Variants in LRP1B observed in about 807,000 individuals in gnomAD.
LRP1B encodes the protein low-density lipoprotein receptor-related protein 1B.
LRP1B carries 217 observed loss-of-function variants against 556.6 expected under a neutral mutation model. The observed-to-expected ratio is 0.39, with a 90% CI of 0.35 to 0.44. The LOEUF (loss-of-function observed/expected upper bound fraction) is 0.44. Ranked by LOEUF, LRP1B falls within the 20% of genes least tolerant of loss-of-function variation. The pLI, the probability that LRP1B is intolerant of heterozygous loss-of-function variation, is 1.00. For missense variants in LRP1B, 5,053 were observed against 5,620.8 expected (o/e 0.90, Z 3.23); for synonymous variants, 2,047 against 1,865.8 (o/e 1.10, Z -2.50).
At chr2:140,967,016 G>C (rs528483886) in intron 18 of LRP1B, among the ~76,000 whole-genome samples, 11 of 152,180 alleles carry the variant, frequency 7.2e-5, no homozygotes, top group African/African-American at 2.6e-4. Flanking sequence ...GGATTGTCTT[G>C]GCAATGAGGG....
chr2:140,907,172 A>G (rs1194764441), intron 22 of LRP1B, among the ~76,000 whole-genome samples: 1 of 152,022 alleles, frequency 6.6e-6, no homozygotes, highest in Non-Finnish European at 1.5e-5. Flanking sequence ...GTTCTTCATT[A>G]TCTATTGATG....
chr2:141,982,476 C>A (rs1702070038), intron 1 of LRP1B, among the ~76,000 whole-genome samples: 1 of 152,072 alleles, frequency 6.6e-6, no homozygotes. Context: ...ATGATATAAG[C>A]CCTACAGTGC....
chr2:140,804,339 T>C (rs553676183), intron 32 of LRP1B, among the ~76,000 whole-genome samples: 61 of 152,266 alleles, frequency 4.0e-4, no homozygotes, highest in African/African-American at 1.4e-3. Context: ...GATTCCATGA[T>C]AACTAGCCAT....
At chr2:141,813,415 C>T (rs1315399696) in intron 1 of LRP1B, among the ~76,000 whole-genome samples, 2 of 151,990 alleles carry the variant, frequency 1.3e-5, no homozygotes, top group Non-Finnish European at 2.9e-5. Flanking sequence ...GAGTGACACC[C>T]ATTTGAATTA....
At chr2:142,080,935 G>T (rs1440484279) in intron 1 of LRP1B, among the ~76,000 whole-genome samples, 1 of 152,148 alleles carries the variant, frequency 6.6e-6, no homozygotes, top group Admixed American at 6.5e-5. Context: ...TAGTTCTCAA[G>T]TGGCTACTTC....
chr2:142,059,145 G>A (rs987876463), intron 1 of LRP1B, among the ~76,000 whole-genome samples: 5 of 152,066 alleles, frequency 3.3e-5, no homozygotes, highest in African/African-American at 1.2e-4. Flanking sequence ...CTAAGATTGG[G>A]GTGGGAATAG....
chr2:140,324,622 AAAT>A (rs1433831642), intron 80 of LRP1B, among the ~76,000 whole-genome samples: 1 of 152,008 alleles, frequency 6.6e-6, no homozygotes, highest in Non-Finnish European at 1.5e-5. Context: ...GTTTGTCTAA[AAAT>A]AATAGTAACC....
chr2:140,918,240 T>A (rs1208808345), intron 21 of LRP1B, among the ~76,000 whole-genome samples: 2 of 151,146 alleles, frequency 1.3e-5, no homozygotes, highest in African/African-American at 4.9e-5. Context: ...TTTTGTAAAT[T>A]GCCAATTATT....
At chr2:140,351,613 C>T (rs900383470) in intron 76 of LRP1B, among the ~76,000 whole-genome samples, 7 of 151,948 alleles carry the variant, frequency 4.6e-5, no homozygotes, top group African/African-American at 1.5e-4. Flanking sequence ...ACATTCTATT[C>T]TAAAGTTTTG....
At chr2:142,020,117 T>C (rs970677796) in intron 1 of LRP1B, among the ~76,000 whole-genome samples, 12 of 152,100 alleles carry the variant, frequency 7.9e-5, no homozygotes, top group African/African-American at 2.9e-4. Context: ...CCCATCAAAA[T>C]TGCAAAAGGG....
intron 1 of LRP1B, among the ~76,000 whole-genome samples, chr2:142,036,093 T>C (rs1703868266): frequency 6.6e-6 from 1 of 151,684 alleles, no homozygotes; most frequent in Non-Finnish European, 1.5e-5. Context: ...CTTAGGTATG[T>C]CTTAATCAGC....
intron 2 of LRP1B, among the ~76,000 whole-genome samples, chr2:141,760,789 C>G (rs1029600410): frequency 6.6e-6 from 1 of 152,198 alleles, no homozygotes; most frequent in African/African-American, 2.4e-5. Context: ...TGTGAAGATT[C>G]TTACAGACGA....
intron 24 of LRP1B, 86 bp downstream of exon 24, chr2:140,886,052 C>G: frequency 1.2e-6 from 1 of 816,862 alleles, no homozygotes; most frequent in Non-Finnish European, 1.9e-6. Flanking sequence ...AAAGAATAAT[C>G]AAAATTTCTT....
At chr2:142,088,974 CAAAAA>C (rs1289382985) in intron 1 of LRP1B, among the ~76,000 whole-genome samples, 1 of 39,754 alleles carries the variant, frequency 2.5e-5, no homozygotes, top group Non-Finnish European at 4.8e-5. Context: ...GGCTCCGTCT[CAAAAA>C]AAAAAAAAAA....
chr2:140,995,598 A>G (rs1697221625), intron 15 of LRP1B, among the ~76,000 whole-genome samples: 1 of 151,970 alleles, frequency 6.6e-6, no homozygotes, highest in African/African-American at 2.4e-5. Flanking sequence ...GAATTTTACT[A>G]CCTCCATCTT....
At chr2:141,604,445 G>A (rs1687848045) in intron 2 of LRP1B, among the ~76,000 whole-genome samples, 1 of 152,026 alleles carries the variant, frequency 6.6e-6, no homozygotes. Context: ...GCAGAGAGGG[G>A]TGGGTCTCCA....
At chr2:141,604,923 CTA>C (rs1687860537) in intron 2 of LRP1B, among the ~76,000 whole-genome samples, 5 of 152,186 alleles carry the variant, frequency 3.3e-5, no homozygotes, top group Admixed American at 3.3e-4. Flanking sequence ...CGGGTACAAG[CTA>C]TAACACAGGT....
At chr2:141,094,256 C>T (rs988054816) in intron 7 of LRP1B, among the ~76,000 whole-genome samples, 1 of 151,904 alleles carries the variant, frequency 6.6e-6, no homozygotes, top group Non-Finnish European at 1.5e-5. Context: ...TTTGTTTATT[C>T]TAAAAATCTA....
At chr2:141,438,835 A>G (rs62168028) in intron 3 of LRP1B, among the ~76,000 whole-genome samples, 3,182 of 152,258 alleles carry the variant, frequency 0.021, 69 homozygotes, top group East Asian at 0.092. Context: ...GGGAGCTACT[A>G]TCTTAATTGT....
Sources: allele counts gnomAD v4.1 joint callset (sites outside exome capture counted in the v4.1 genomes callset), GRCh38; gene constraint gnomAD v4.1.1; transcripts MANE v1.5; gene names NCBI Gene and HGNC (gene_info 2026-07-23, HGNC 2026-07-21).